Variants in NEURL1 observed in about 807,000 individuals in gnomAD.
The protein encoded by NEURL1 is neuralized E3 ubiquitin protein ligase 1, also known as E3 ubiquitin-protein ligase NEURL1.
NEURL1 carries 26 observed loss-of-function variants against 41.2 expected under a neutral mutation model. The ratio of observed to expected loss-of-function variants is 0.63; its 90% confidence interval spans 0.46 to 0.87. The LOEUF is 0.87. NEURL1 is among the 40% of genes least tolerant of loss of function. The pLI is 0.00. For missense variants in NEURL1, 761 were observed against 871.1 expected, an observed-to-expected ratio of 0.87 and a Z score of 1.59; for synonymous variants, 400 against 402.3, an observed-to-expected ratio of 0.99 and a Z score of 0.07.
intron 1 of NEURL1, among the ~76,000 whole-genome samples, chr10:103,547,879 T>C (rs1278201994): frequency 6.6e-6 from 1 of 152,062 alleles, no homozygotes; most frequent in Admixed American, 6.6e-5. Flanking sequence ...GGCCCATGTC[T>C]TGTTCCAGCA....
At chr10:103,531,898 T>C (rs898011816) in intron 1 of NEURL1, among the ~76,000 whole-genome samples, 3 of 152,234 alleles carry the variant, frequency 2.0e-5, no homozygotes, top group Non-Finnish European at 4.4e-5. Context: ...TAATTTATGA[T>C]TGTTATGTCC....
At chr10:103,533,243 A>C (rs967396532) in intron 1 of NEURL1, among the ~76,000 whole-genome samples, 4 of 151,944 alleles carry the variant, frequency 2.6e-5, no homozygotes, top group Non-Finnish European at 5.9e-5. Context: ...TTCTCCTTTT[A>C]AAACTACTGT....
chr10:103,577,199 G>C (rs1536224), intron 3 of NEURL1, among the ~76,000 whole-genome samples: 115,211 of 152,072 alleles, frequency 0.76, 44,001 homozygotes, highest in South Asian at 0.86. Context: ...GCTTCAGAGG[G>C]TTTTCTGGTG....
chr10:103,566,935 T>C lies in NEURL1; in HGVS notation c.86-3937T>C, dbSNP rs1013762015. On this transcript the variant is annotated intron_variant, in intron 1 of 5. Coordinates refer to ENST00000369780, the MANE Select transcript of NEURL1 (RefSeq NM_004210.5). This position sits in a 1 kb window ranked among gnomAD's most constrained non-coding sequence, Gnocchi z 4.2. ...GTATTGCCCTGTGTGCTACATGAGATGGTTTTGGGTGGTACATAAAGGAAA... is the reference window on the plus strand; with the variant it reads ...GTATTGCCCTGTGTGCTACATGAGACGGTTTTGGGTGGTACATAAAGGAAA... Among the ~76,000 whole-genome samples the C allele has an allele frequency of 1.3e-5, 2 of 152,074 alleles. No individual in the cohort carries two copies. Among genetic ancestry groups the C allele is most frequent in the Non-Finnish European group, 2.9e-5 (2 of 68,008 alleles).
At chr10:103,520,326 G>C (rs963959630) in intron 1 of NEURL1, among the ~76,000 whole-genome samples, 1 of 151,652 alleles carries the variant, frequency 6.6e-6, no homozygotes, top group Non-Finnish European at 1.5e-5. Flanking sequence ...AGGGAGATAC[G>C]GGTGGGGCCA....
chr10:103,583,016 G>GT (rs1463933761), intron 3 of NEURL1, among the ~76,000 whole-genome samples: 1 of 152,204 alleles, frequency 6.6e-6, no homozygotes, highest in Non-Finnish European at 1.5e-5. Context: ...ACGGGCTGCC[G>GT]TAAGGATGAA....
In NEURL1 at chr10:103,555,352, G is replaced by A. The variant is rs770177905; in HGVS notation, c.86-15520G>A. ...CGGTGACCAGCCGGCCGGCCCAGCA[G>A]AGGTGGCTGCACTGCCCGTCGCCGG... On this transcript the variant is annotated intron_variant, in intron 1 of 5. Transcript: ENST00000369780. 1.4e-5 allele frequency: 19 copies of A among 1,342,260 alleles called. No homozygotes were observed. In the African/African-American group the frequency reaches 2.9e-4, roughly 20 times the overall value. The allele number at this position is 1,342,260 out of a possible 1,614,324, so 83.1% of individuals were successfully genotyped here.
chr10:103,584,719 T>G lies in NEURL1; in HGVS notation c.833T>G (p.Leu278Arg). 1 of 1,461,442 alleles carries G rather than the reference T, an allele frequency of 6.8e-7. No homozygotes were observed. The highest frequency in any genetic ancestry group is 9.0e-7 in the Non-Finnish European group (1 of 1,112,186). 90.5% of individuals were successfully genotyped at this position (1,461,442 alleles called of 1,614,324 possible). ...GGCTGCCCCATCCCGCAGAACTCACTCAACTCGCAGCACAGCCGCGCGCTG... is the reference window on the plus strand; with the variant it reads ...GGCTGCCCCATCCCGCAGAACTCACGCAACTCGCAGCACAGCCGCGCGCTG... ...AAGCPIPQNS[L>R]NSQHSRALPA... is the part of the protein sequence containing the mutation. Residue 278 changes from leucine to arginine, a missense_variant, in exon 4 of 6, where the codon CTC becomes CGC. By Grantham distance (102) the Leu-to-Arg change is moderately radical (BLOSUM62 -2). This residue lies in a region of NEURL1 where 443 missense variants were observed against 408.1 expected (regional missense o/e 1.09). Coordinates refer to ENST00000369780, the MANE Select transcript of NEURL1 (RefSeq NM_004210.5).
intron 1 of NEURL1, among the ~76,000 whole-genome samples, chr10:103,544,390 A>AG (rs1474462811): frequency 1.3e-5 from 2 of 152,140 alleles, no homozygotes; most frequent in African/African-American, 4.8e-5. Context: ...CCCTGGTGGA[A>AG]GGGGGAATGG....
Position 103,590,789 on chromosome 10 carries a change from G to C in NEURL1, c.*417G>C, listed in dbSNP as rs2036025213. 1.7e-5 allele frequency: 4 copies of C among 241,592 alleles called. No individual in the cohort carries two copies. In the South Asian group the frequency reaches 2.4e-4, roughly 14 times the overall value. The allele number at this position is 241,592 out of a possible 1,614,324, so 15.0% of individuals were successfully genotyped here. A position where few individuals can be genotyped will look rare whatever the true frequency, so the allele number is the denominator to read the frequency against. On this transcript the variant is annotated 3_prime_UTR_variant, in exon 6 of 6. Coordinates refer to ENST00000369780, the MANE Select transcript of NEURL1 (RefSeq NM_004210.5). ...CTGGGCAGCTGCAGCCCTGAGCCAG[G>C]ACATGTGGCCTGGCTAGTGCAGCAT...
chr10:103,555,253 G>T (rs2035123576), intron 1 of NEURL1: 2 of 1,032,986 alleles, frequency 1.9e-6, no homozygotes, highest in Non-Finnish European at 2.4e-6. Flanking sequence ...AGGGGCCTCG[G>T]CCCTGCCATG....
chr10:103,528,850 T>C (rs1223809420), intron 1 of NEURL1, among the ~76,000 whole-genome samples: 2 of 151,646 alleles, frequency 1.3e-5, no homozygotes, highest in African/African-American at 4.8e-5. Flanking sequence ...TGGGCAAGTG[T>C]TGGAACCAAG....
chr10:103,554,879 G>C (rs1014657632), intron 1 of NEURL1, among the ~76,000 whole-genome samples: 1 of 152,174 alleles, frequency 6.6e-6, no homozygotes, highest in Non-Finnish European at 1.5e-5. Flanking sequence ...CATGTAGTAG[G>C]TGCATGAGGC....
intron 1 of NEURL1, among the ~76,000 whole-genome samples, chr10:103,567,293 CT>C (rs1002350386): frequency 6.7e-5 from 10 of 150,320 alleles, no homozygotes; most frequent in African/African-American, 2.2e-4. Flanking sequence ...CTGAAGGAAC[CT>C]TTTTTTTTCT....
At chr10:103,555,279 G>T in intron 1 of NEURL1, 2 of 1,150,656 alleles carry the variant, frequency 1.7e-6, no homozygotes, top group Non-Finnish European at 2.2e-6. Flanking sequence ...CTCCGCCCGC[G>T]GGGGAGGAGA....
chr10:103,585,004 G>T lies in NEURL1; in HGVS notation c.1118G>T (p.Ser373Ile), dbSNP rs1200938732. 1 of 1,574,118 alleles carries T rather than the reference G, an allele frequency of 6.4e-7. No homozygotes were observed. The highest frequency in any genetic ancestry group is 1.1e-5 in the South Asian group (1 of 87,614). ...GTLRPADLPF[S>I]PEALVDRKEF... The stretch of plus-strand genomic sequence containing the variant: ...CTGCGGCCGGCCGACCTGCCTTTCA[G>T]CCCTGAGGCCCTGGTGGACCGCAAG... Residue 373 changes from serine (S) to isoleucine (I), a missense_variant, in exon 4 of 6, where the codon AGC (serine) becomes ATC (isoleucine). By Grantham distance (142) the Ser-to-Ile change is moderately radical. Transcript: ENST00000369780.
Position 103,570,921 on chromosome 10 carries a change from G to A in NEURL1, c.135G>A (p.Lys45=), listed in dbSNP as rs1196639453. The A allele has an allele frequency of 6.2e-7, 1 of 1,613,856 alleles. No individual in the cohort carries two copies. Among genetic ancestry groups the A allele is most frequent in the Admixed American group, 1.7e-5 (1 of 60,024 alleles). Residue 45 remains lysine (K), a synonymous_variant, in exon 2 of 6, where the codon AAG becomes AAA. Coordinates refer to ENST00000369780, the MANE Select transcript of NEURL1 (RefSeq NM_004210.5). ...FPVTSHRCHH[K]QKHCPAVLPS... ...TCACTTCTCACCGATGCCACCACAA[G>A]CAGAAGCACTGTCCGGCAGTGCTGC...
rs56098530 is a variant in NEURL1, at chr10:103,503,788, C to CTTTTTTTTTTTTTTTT, written c.85+9321_85+9336dup. Among the ~76,000 whole-genome samples, 4 of 110,586 alleles carry CTTTTTTTTTTTTTTTT rather than the reference C, an allele frequency of 3.6e-5. 2 individuals carry two copies. Among genetic ancestry groups the CTTTTTTTTTTTTTTTT allele is most frequent in the Non-Finnish European group, 6.9e-5 (4 of 57,744 alleles). The allele number at this position is 110,586 out of a possible 152,430, so 72.5% of individuals were successfully genotyped here. On this transcript the variant is annotated intron_variant, in intron 1 of 5. Coordinates refer to ENST00000369780, the MANE Select transcript of NEURL1 (RefSeq NM_004210.5). Reference sequence around the variant, plus strand: ...AGAGCTCATGCTGTGCTCCCCCTGGCTTTTTTTTTTTTTTTTTTTTGAGAC... The same window carrying CTTTTTTTTTTTTTTTT: ...AGAGCTCATGCTGTGCTCCCCCTGGCTTTTTTTTTTTTTTTTTTTTTTTTTTTTTTTTTTTTGAGAC...
chr10:103,533,127 T>C (rs1592201960), intron 1 of NEURL1, among the ~76,000 whole-genome samples: 1 of 151,370 alleles, frequency 6.6e-6, no homozygotes, highest in Non-Finnish European at 1.5e-5. Context: ...CGGGGTTTCA[T>C]CATGTTAGCC....
Sources: gnomAD v4.1 joint callset for allele counts (sites outside exome capture counted in the v4.1 genomes callset) on GRCh38, gnomAD v4.1.1 for gene constraint, gnomAD v4.1.1 regional missense constraint, Gnocchi (gnomAD v3.1) non-coding constraint, MANE v1.5 for transcripts, NCBI Gene and HGNC (gene_info 2026-07-23, HGNC 2026-07-21) for gene names.